ADAMTS20: variants seen among roughly 807,000 people sequenced by gnomAD.
ADAMTS20 encodes A disintegrin and metalloproteinase with thrombospondin motifs 20.
In ADAMTS20, 225 loss-of-function variants were observed where a neutral mutation model predicts 260.1. The observed-to-expected ratio is 0.87, with a 90% CI of 0.78 to 0.97. The LOEUF (loss-of-function observed/expected upper bound fraction) is 0.97. Among genes scored for constraint, ADAMTS20 ranks in the 50% least tolerant of loss-of-function variants. ADAMTS20 has a pLI of 0.00. For synonymous variants in ADAMTS20, 802 were observed against 769.5 expected (o/e 1.04, Z -0.70); for missense variants, 2,400 against 2,337.7 (o/e 1.03, Z -0.55).
intron 7 of ADAMTS20, among the ~76,000 whole-genome samples, chr12:43,482,727 G>C (rs1397120952): frequency 6.6e-6 from 1 of 152,094 alleles, no homozygotes; most frequent in East Asian, 1.9e-4. Context: ...GGACACTTGG[G>C]AGTTCCATGG....
intron 14 of ADAMTS20, among the ~76,000 whole-genome samples, chr12:43,450,154 AG>A (rs1167214099): frequency 6.6e-6 from 1 of 152,208 alleles, no homozygotes; most frequent in Non-Finnish European, 1.5e-5. Context: ...ACTAATACCC[AG>A]CATAACAGTG....
Position 43,551,997 on chromosome 12 carries a change from G to A in ADAMTS20, c.-76C>T. The A allele has an allele frequency of 8.0e-7, 1 of 1,256,206 alleles. No homozygotes were observed. Among genetic ancestry groups the A allele is most frequent in the South Asian group, 1.2e-5 (1 of 82,668 alleles). 77.8% of individuals were successfully genotyped at this position (1,256,206 alleles called of 1,614,324 possible). A position where few individuals can be genotyped will look rare whatever the true frequency, so the allele number is the denominator to read the frequency against. On this transcript the variant is annotated 5_prime_UTR_variant, in exon 1 of 39. Coordinates refer to ENST00000389420, the MANE Select transcript of ADAMTS20 (RefSeq NM_025003.5). This position sits in a 1 kb window ranked among gnomAD's most constrained non-coding sequence, Gnocchi z 4.6. ...GCCAAGCCGGCTTCCCTCGCGCTCC[G>A]ATCCCTCTCCTCCCTCTCGCCCGCC...
chr12:43,550,297 C>G (rs1306057197), intron 2 of ADAMTS20, among the ~76,000 whole-genome samples: 1 of 152,106 alleles, frequency 6.6e-6, no homozygotes, highest in Non-Finnish European at 1.5e-5. Flanking sequence ...CAACTGATTA[C>G]CACCACAAAA....
At chr12:43,420,308 G>A (rs1941202031) in intron 28 of ADAMTS20, among the ~76,000 whole-genome samples, 1 of 152,140 alleles carries the variant, frequency 6.6e-6, no homozygotes, top group African/African-American at 2.4e-5. Context: ...TGTCTAATAT[G>A]TAGTAGATAC....
chr12:43,423,642 C>G, intron 28 of ADAMTS20: 2 of 680,122 alleles, frequency 2.9e-6, no homozygotes, highest in Non-Finnish European at 5.3e-6. Flanking sequence ...AACAGAGACA[C>G]AGTAAGCAGA....
intron 28 of ADAMTS20, among the ~76,000 whole-genome samples, chr12:43,420,221 G>A (rs1431772663): frequency 6.6e-6 from 1 of 152,154 alleles, no homozygotes; most frequent in African/African-American, 2.4e-5. Flanking sequence ...CTGGCCACCT[G>A]TTTATTAATT....
At chr12:43,538,136 A>G (rs754035213) in intron 2 of ADAMTS20, among the ~76,000 whole-genome samples, 2 of 152,172 alleles carry the variant, frequency 1.3e-5, no homozygotes, top group Non-Finnish European at 1.5e-5. Flanking sequence ...TTCCCACCAC[A>G]ATGTACAAGT....
chr12:43,470,013 G>A (rs1391914267), intron 7 of ADAMTS20, among the ~76,000 whole-genome samples: 1 of 152,066 alleles, frequency 6.6e-6, no homozygotes, highest in Non-Finnish European at 1.5e-5. Flanking sequence ...TTACAAGGAA[G>A]ACTAAAATCA....
chr12:43,431,248 C>T, intron 22 of ADAMTS20, 84 bp downstream of exon 22: 1 of 1,414,912 alleles, frequency 7.1e-7, no homozygotes, highest in Non-Finnish European at 9.6e-7. Context: ...ATTGCATCCA[C>T]TAAGGGAGGA....
chr12:43,401,485 T>C (rs1232691958), intron 28 of ADAMTS20, among the ~76,000 whole-genome samples: 2 of 151,906 alleles, frequency 1.3e-5, no homozygotes, highest in African/African-American at 4.8e-5. Flanking sequence ...ATAAGCATTA[T>C]CTATGAGTGG....
At chr12:43,465,968 G>A (rs1942145446) in intron 9 of ADAMTS20, among the ~76,000 whole-genome samples, 1 of 152,070 alleles carries the variant, frequency 6.6e-6, no homozygotes. Context: ...AAGTGAAGTA[G>A]TGTTACATTT....
intron 4 of ADAMTS20, among the ~76,000 whole-genome samples, chr12:43,500,906 T>C (rs1942749210): frequency 6.6e-6 from 1 of 152,198 alleles, no homozygotes; most frequent in African/African-American, 2.4e-5. Flanking sequence ...GGGATCTAGC[T>C]AAGGGAAATT....
chr12:43,485,403 A>G (rs955283298), intron 7 of ADAMTS20, among the ~76,000 whole-genome samples: 3 of 152,130 alleles, frequency 2.0e-5, no homozygotes, highest in Non-Finnish European at 4.4e-5. Context: ...CAAACTAGGC[A>G]TAGAAAGAAC....
At chr12:43,430,206 C>A in intron 23 of ADAMTS20, 146 bp downstream of exon 23, 2 of 904,286 alleles carry the variant, frequency 2.2e-6, no homozygotes, top group Non-Finnish European at 3.0e-6. Flanking sequence ...ACAACAAATT[C>A]TATTTTTTTG....
At chr12:43,379,473 A>C (rs1940302223) in intron 31 of ADAMTS20, among the ~76,000 whole-genome samples, 1 of 152,036 alleles carries the variant, frequency 6.6e-6, no homozygotes, top group African/African-American at 2.4e-5. Flanking sequence ...CCTCTCTTCC[A>C]GCTGACCTCA....
At chr12:43,445,677 T>TAC (rs56762980) in intron 15 of ADAMTS20, among the ~76,000 whole-genome samples, 16,036 of 148,648 alleles carry the variant, frequency 0.11, 1,330 homozygotes, top group African/African-American at 0.24. Context: ...GACCCATCTC[T>TAC]ACACACACAC....
At position 43,416,100 on chromosome 12, in the gene ADAMTS20, C is replaced by T; in HGVS notation, c.4284+9414G>A. ...TTCAGATGCCACCCCACCCTTGGGT[C>T]AAAAACAGCCCCATCAATCACTCCT... On this transcript the variant is annotated intron_variant, in intron 28 of 38. Coordinates refer to ENST00000389420, the MANE Select transcript of ADAMTS20 (RefSeq NM_025003.5). Among the ~76,000 whole-genome samples, 2 of 152,130 alleles carry T rather than the reference C, an allele frequency of 1.3e-5. 1 individual carries two copies. Among genetic ancestry groups the T allele is most frequent in the Non-Finnish European group, 2.9e-5 (2 of 68,014 alleles).
chr12:43,398,424 T>G (rs951848508), intron 29 of ADAMTS20, among the ~76,000 whole-genome samples: 11 of 152,262 alleles, frequency 7.2e-5, no homozygotes, highest in African/African-American at 2.6e-4. Context: ...TCATTTTTGC[T>G]GAGTCTTTTC....
chr12:43,512,959 T>C (rs183942181), intron 3 of ADAMTS20, among the ~76,000 whole-genome samples: 135 of 152,302 alleles, frequency 8.9e-4, no homozygotes, highest in Admixed American at 1.4e-3. Flanking sequence ...TAAATGTTGA[T>C]TCCTAGAAGA....
Sources: allele counts gnomAD v4.1 joint callset (sites outside exome capture counted in the v4.1 genomes callset), GRCh38; gene constraint gnomAD v4.1.1; non-coding constraint Gnocchi (gnomAD v3.1); transcripts MANE v1.5; gene names NCBI Gene and HGNC (gene_info 2026-07-23, HGNC 2026-07-21).